Variants in RELB observed in about 807,000 individuals in gnomAD.
RELB encodes the protein transcription factor RelB.
RELB carries 14 observed loss-of-function variants against 55.4 expected under a neutral mutation model. That is an observed-to-expected ratio of 0.25 (90% CI 0.17 to 0.40). RELB has a LOEUF of 0.40. Ranked by LOEUF, RELB falls within the 10% of genes least tolerant of loss-of-function variation. The pLI is 1.00. For missense variants in RELB, 669 were observed against 830.7 expected (o/e 0.81, Z 2.39); for synonymous variants, 409 against 371.3 (o/e 1.10, Z -1.17).
In RELB at chr19:45,037,399, C is replaced by T. The variant is rs748166930; in HGVS notation, c.1355-6C>T. 1.3e-6 allele frequency: 2 copies of T among 1,558,572 alleles called. No individual in the cohort carries two copies. The highest frequency in any genetic ancestry group is 2.4e-5 in the South Asian group (2 of 82,868). The stretch of plus-strand genomic sequence containing the variant: ...CACTACACTTCTCTTGTCTTCATCC[C>T]CGTAGGCCCGTTCCTCCCGCCGTCA... On this transcript the variant is annotated splice_region_variant and splice_polypyrimidine_tract_variant and intron_variant, in intron 11 of 11. Transcript: ENST00000221452.
intron 11 of RELB, among the ~76,000 whole-genome samples, chr19:45,035,539 C>CAACAACAACAACAACAACA (rs887820522): frequency 9.1e-4 from 138 of 151,282 alleles, no homozygotes; most frequent in African/African-American, 3.2e-3. Flanking sequence ...ACAACAACAA[C>CAACAACAACAACAACAACA]AAAACAGGCC....
At chr19:45,024,556 AT>A (rs1971534546) in intron 5 of RELB, among the ~76,000 whole-genome samples, 1 of 151,204 alleles carries the variant, frequency 6.6e-6, no homozygotes, top group African/African-American at 2.4e-5. Flanking sequence ...TGACATGCTT[AT>A]TTTTATTTTT....
chr19:45,022,263 C>A, intron 5 of RELB, 53 bp downstream of exon 5: 1 of 1,493,156 alleles, frequency 6.7e-7, no homozygotes, highest in Non-Finnish European at 9.0e-7. Context: ...AGATTCTAAG[C>A]GACTGGAGGC....
Position 45,001,595 on chromosome 19 carries a change from C to G in RELB, c.16C>G (p.Pro6Ala), listed in dbSNP as rs1971209694. The stretch of plus-strand genomic sequence containing the variant: ...GCCCGCGTGCATGCTTCGGTCTGGG[C>G]CAGCCTCTGGGCCGTCCGTCCCCAC... MLRSG[P>A]ASGPSVPTGR... The change falls in exon 1 of 12, where the codon CCA becomes GCA. Residue 6 changes from proline to alanine, a missense_variant. Pro to Ala is a conservative substitution (Grantham distance 27). This residue lies in a region of RELB where 323 missense variants were observed against 368.5 expected (regional missense o/e 0.88). Transcript: ENST00000221452. 2 of 1,496,976 alleles carry G rather than the reference C, an allele frequency of 1.3e-6. No individual in the cohort carries two copies. The highest frequency in any genetic ancestry group is 4.3e-5 in the Admixed American group (2 of 46,896). 92.7% of individuals were successfully genotyped at this position (1,496,976 alleles called of 1,614,324 possible).
chr19:45,020,467 A>G (rs1256692907), intron 4 of RELB, among the ~76,000 whole-genome samples: 10 of 136,068 alleles, frequency 7.3e-5, no homozygotes, highest in Non-Finnish European at 1.4e-4. Flanking sequence ...TCCCACCTCA[A>G]CCTCCCAAAG....
Position 45,032,532 on chromosome 19 carries a change from A to G in RELB, c.992-2A>G. 1 of 1,610,512 alleles carries G rather than the reference A, an allele frequency of 6.2e-7. No homozygotes were observed. The highest frequency in any genetic ancestry group is 8.5e-7 in the Non-Finnish European group (1 of 1,178,168). ...TAGCTGATGTCCCCCGTTTCCTGCC[A>G]GAGGACATATCAGTGGTGTTCAGCA... On this transcript the variant is annotated splice_acceptor_variant, in intron 8 of 11. Coordinates refer to ENST00000221452, the MANE Select transcript of RELB (RefSeq NM_006509.4). LOFTEE classifies it high-confidence loss of function.
chr19:45,001,576 G>T lies in RELB; in HGVS notation c.-4G>T. The T allele has an allele frequency of 6.9e-7, 1 of 1,452,528 alleles. No individual in the cohort carries two copies. The highest frequency in any genetic ancestry group is 1.3e-5 in the South Asian group (1 of 76,134). 90.0% of individuals were successfully genotyped at this position (1,452,528 alleles called of 1,614,324 possible). The stretch of plus-strand genomic sequence containing the variant: ...CCTCCCGGCCGCCCGGCCGGCCCGC[G>T]TGCATGCTTCGGTCTGGGCCAGCCT... On this transcript the variant is annotated 5_prime_UTR_variant, in exon 1 of 12. Transcript: ENST00000221452.
In RELB at chr19:45,012,051, C is replaced by G. The variant is rs1267894609; in HGVS notation, c.279C>G (p.Val93=). The G allele has an allele frequency of 6.4e-7, 1 of 1,563,032 alleles. No homozygotes were observed. Among genetic ancestry groups the G allele is most frequent in the Admixed American group, 1.9e-5 (1 of 52,532 alleles). Residue 93 remains valine, a synonymous_variant, in exon 4 of 12, where the codon GTC becomes GTG. Transcript: ENST00000221452. ...GCGGGGCTGCGTCCCTGAGCACGGT[C>G]ACCCTGGGCCCTGTGGCGCCCCCAG... ...VSRGAASLST[V]TLGPVAPPAT...
In RELB at chr19:45,009,301, G is replaced by A. The variant is rs1600064301; in HGVS notation, c.155-513G>A. Among the ~76,000 whole-genome samples, 3 of 152,118 alleles carry A rather than the reference G, an allele frequency of 2.0e-5. No homozygotes were observed. In the South Asian group the frequency reaches 6.2e-4, roughly 32 times the overall value. On this transcript the variant is annotated intron_variant, in intron 2 of 11. Transcript: ENST00000221452. ...TCGCCATGTTGGCCAGGCTGGTCTCGAACTCCTGACCTCAAGTGATCTGCC... is the reference window on the plus strand; with the variant it reads ...TCGCCATGTTGGCCAGGCTGGTCTCAAACTCCTGACCTCAAGTGATCTGCC...
chr19:45,013,341 A>G lies in RELB; in HGVS notation c.504+1065A>G, dbSNP rs35333027. 7.2e-3 allele frequency among the ~76,000 whole-genome samples: 1,086 copies of G among 151,806 alleles called. 17 individuals are homozygous for G. Among genetic ancestry groups the G allele is most frequent in the African/African-American group, 0.024 (1,016 of 41,472 alleles). ...TTCTTAGTAGAGAAGGGGTTTTGCC[A>G]TGTTGGCCAGGCTGGTCTCAAACCC... is the stretch of plus-strand genomic sequence containing the variant. On this transcript the variant is annotated intron_variant, in intron 4 of 11. Transcript: ENST00000221452.
At chr19:45,028,623 C>T (rs763374968) in intron 7 of RELB, among the ~76,000 whole-genome samples, 1 of 152,142 alleles carries the variant, frequency 6.6e-6, no homozygotes, top group African/African-American at 2.4e-5. Context: ...CGTGAGCCAC[C>T]ATGCCCGGCA....
chr19:45,029,682 C>A (rs753726889), intron 8 of RELB, among the ~76,000 whole-genome samples: 1 of 151,968 alleles, frequency 6.6e-6, no homozygotes, highest in African/African-American at 2.4e-5. Flanking sequence ...AACCCCATCT[C>A]TACTAAAAAA....
At chr19:45,008,716 G>A (rs997524071) in intron 2 of RELB, 3 of 347,692 alleles carry the variant, frequency 8.6e-6, no homozygotes, top group African/African-American at 6.4e-5. Flanking sequence ...TCTAGCAGCG[G>A]AACAGGTTCG....
chr19:45,035,365 A>T (rs1274694021), intron 11 of RELB, among the ~76,000 whole-genome samples: 1 of 151,944 alleles, frequency 6.6e-6, no homozygotes, highest in African/African-American at 2.4e-5. Flanking sequence ...CTAAAAATAC[A>T]AAAATTAGCC....
At chr19:45,006,602 C>T (rs1298426252) in intron 2 of RELB, among the ~76,000 whole-genome samples, 1 of 152,030 alleles carries the variant, frequency 6.6e-6, no homozygotes, top group Admixed American at 6.6e-5. Context: ...TGCTCCCAGT[C>T]TATAGGAGAC....
At chr19:45,018,440 C>T (rs1971446368) in intron 4 of RELB, among the ~76,000 whole-genome samples, 2 of 148,980 alleles carry the variant, frequency 1.3e-5, no homozygotes, top group Admixed American at 6.7e-5. Flanking sequence ...AAAAATTAGC[C>T]AGGCATGGTG....
intron 2 of RELB, among the ~76,000 whole-genome samples, chr19:45,008,279 A>C (rs184817186): frequency 3.7e-4 from 57 of 152,338 alleles, no homozygotes; most frequent in African/African-American, 1.1e-3. Flanking sequence ...GAAGAAGCCA[A>C]GGCACAAAAA....
intron 4 of RELB, 86 bp from the exon 5 acceptor site, chr19:45,021,967 G>A (rs1971494461): frequency 3.0e-6 from 4 of 1,341,940 alleles, no homozygotes; most frequent in South Asian, 2.9e-5. Context: ...GAGAGGATTG[G>A]GGAGCTGCCA....
At chr19:45,015,327 T>C (rs1039921814) in intron 4 of RELB, among the ~76,000 whole-genome samples, 1 of 152,228 alleles carries the variant, frequency 6.6e-6, no homozygotes, top group Non-Finnish European at 1.5e-5. Flanking sequence ...AGTGCTTCCA[T>C]GTACCAGGTA....
Sources: gnomAD v4.1 joint callset for allele counts (sites outside exome capture counted in the v4.1 genomes callset) on GRCh38, gnomAD v4.1.1 for gene constraint, gnomAD v4.1.1 regional missense constraint, MANE v1.5 for transcripts, NCBI Gene and HGNC (gene_info 2026-07-23, HGNC 2026-07-21) for gene names.